Variants in RBMS3 observed in about 807,000 individuals in gnomAD.
The protein encoded by RBMS3 is RNA binding motif single stranded interacting protein 3.
RBMS3 carries 27 observed loss-of-function variants against 66.8 expected under a neutral mutation model. The observed-to-expected ratio is 0.40, with a 90% CI of 0.30 to 0.56. RBMS3 has a LOEUF of 0.56. Among genes scored for constraint, RBMS3 ranks in the 20% least tolerant of loss-of-function variants. RBMS3 has a pLI of 0.40. For synonymous variants in RBMS3, 188 were observed against 183.0 expected, an observed-to-expected ratio of 1.03 and a Z score of -0.22; for missense variants, 513 against 549.5, an observed-to-expected ratio of 0.93 and a Z score of 0.66.
intron 1 of RBMS3, among the ~76,000 whole-genome samples, chr3:29,344,527 T>C (rs1316513785): frequency 6.6e-6 from 1 of 152,202 alleles, no homozygotes; most frequent in African/African-American, 2.4e-5. Flanking sequence ...TGGCTACTAT[T>C]TTTAGCTTCA....
chr3:29,985,764 G>A (rs909732114), intron 12 of RBMS3, among the ~76,000 whole-genome samples: 1 of 152,068 alleles, frequency 6.6e-6, no homozygotes, highest in Non-Finnish European at 1.5e-5. Context: ...GATCTTGCTG[G>A]GAGATGCAGA....
intron 4 of RBMS3, among the ~76,000 whole-genome samples, chr3:29,612,190 T>C (rs141018380): frequency 4.3e-4 from 66 of 152,170 alleles, no homozygotes; most frequent in African/African-American, 1.6e-3. Context: ...TAATATTCAT[T>C]TAAATCAAGA....
chr3:29,614,894 A>G (rs973248859), intron 4 of RBMS3: 2 of 152,212 alleles, frequency 1.3e-5, no homozygotes, highest in Non-Finnish European at 2.9e-5. Flanking sequence ...TGTTTACTCT[A>G]TAAGGGAGTA....
At chr3:29,642,783 G>C (rs573711853) in intron 4 of RBMS3, 1 of 152,162 alleles carries the variant, frequency 6.6e-6, no homozygotes, top group African/African-American at 2.4e-5. Flanking sequence ...AAGAGCCGCC[G>C]TGTTCCAGCT....
intron 1 of RBMS3, among the ~76,000 whole-genome samples, chr3:29,316,599 C>G (rs868758554): frequency 6.6e-6 from 1 of 151,524 alleles, no homozygotes; most frequent in Non-Finnish European, 1.5e-5. Flanking sequence ...GATACCTAAA[C>G]AAATGAGTTT....
intron 12 of RBMS3, among the ~76,000 whole-genome samples, chr3:29,982,006 C>T (rs986082815): frequency 3.9e-5 from 6 of 152,262 alleles, no homozygotes; most frequent in African/African-American, 1.4e-4. Context: ...ATGGTACCAG[C>T]TCCTCTTTGT....
At chr3:29,771,762 G>A (rs749864921) in intron 6 of RBMS3, among the ~76,000 whole-genome samples, 5 of 151,946 alleles carry the variant, frequency 3.3e-5, no homozygotes, top group Non-Finnish European at 7.4e-5. Flanking sequence ...ACATCAGGGC[G>A]GAATGTAAAG....
At chr3:29,860,467 G>T (rs2059184912) in intron 6 of RBMS3, among the ~76,000 whole-genome samples, 1 of 152,154 alleles carries the variant, frequency 6.6e-6, no homozygotes, top group South Asian at 2.1e-4. Flanking sequence ...GCAAACCATT[G>T]TTTTAAAACT....
intron 6 of RBMS3, among the ~76,000 whole-genome samples, chr3:29,801,891 C>G (rs1196147903): frequency 3.3e-5 from 5 of 152,026 alleles, no homozygotes; most frequent in African/African-American, 1.2e-4. Flanking sequence ...GCCATTCATA[C>G]CTATATTTTG....
chr3:29,334,033 A>G (rs2035812233), intron 1 of RBMS3, among the ~76,000 whole-genome samples: 1 of 152,116 alleles, frequency 6.6e-6, no homozygotes, highest in South Asian at 2.1e-4. Flanking sequence ...TCTATGTTTT[A>G]TTTTCCACAT....
chr3:29,439,322 G>T (rs1220671453), intron 2 of RBMS3, among the ~76,000 whole-genome samples: 1 of 152,198 alleles, frequency 6.6e-6, no homozygotes, highest in African/African-American at 2.4e-5. Flanking sequence ...CAGCTGCAGA[G>T]TACGGAGAAG....
intron 4 of RBMS3, among the ~76,000 whole-genome samples, chr3:29,718,263 C>T (rs992280065): frequency 1.3e-5 from 2 of 152,064 alleles, no homozygotes; most frequent in African/African-American, 4.8e-5. Context: ...TTTCTCCATA[C>T]ATTCAAGTCT....
Position 29,540,089 on chromosome 3 carries a change from T to C in RBMS3, c.308-47025T>C, listed in dbSNP as rs201308566. On this transcript the variant is annotated intron_variant, in intron 3 of 14. Coordinates refer to ENST00000383767, the MANE Select transcript of RBMS3 (RefSeq NM_001003793.3). ...AAACAACCCCTAAAGCATTTTAAAT[T>C]AACTATTTAATGTCTAAGTTTTATG... Among the ~76,000 whole-genome samples the C allele has an allele frequency of 1.7e-4, 26 of 152,322 alleles. No homozygotes were observed. In the East Asian group the frequency reaches 5.0e-3, roughly 29 times the overall value.
At chr3:29,435,107 T>C (rs1466556048) in intron 2 of RBMS3, 192 bp downstream of exon 2, 5 of 617,962 alleles carry the variant, frequency 8.1e-6, no homozygotes, top group Admixed American at 3.3e-5. Context: ...CTTTTTGTTG[T>C]TGAGTGGAAG....
chr3:29,764,953 G>A (rs2055860475), intron 6 of RBMS3, among the ~76,000 whole-genome samples: 1 of 151,988 alleles, frequency 6.6e-6, no homozygotes, highest in African/African-American at 2.4e-5. Flanking sequence ...AAACTCTTAG[G>A]AGAGACAACT....
intron 10 of RBMS3, among the ~76,000 whole-genome samples, chr3:29,919,371 T>C (rs1258939940): frequency 2.0e-5 from 3 of 152,154 alleles, no homozygotes; most frequent in Non-Finnish European, 2.9e-5. Context: ...AAAGAATTTC[T>C]CATAAAAGAA....
chr3:29,509,707 C>G (rs977804850), intron 3 of RBMS3, among the ~76,000 whole-genome samples: 44 of 152,192 alleles, frequency 2.9e-4, no homozygotes, highest in Non-Finnish European at 2.9e-5. Context: ...TCCCTTAATA[C>G]AAGTCTGTTC....
chr3:29,902,143 G>T (rs2060270482), intron 10 of RBMS3, among the ~76,000 whole-genome samples: 1 of 151,610 alleles, frequency 6.6e-6, no homozygotes, highest in South Asian at 2.1e-4. Flanking sequence ...TTAGCAAGGG[G>T]GTATTGAGCT....
chr3:29,536,055 G>A (rs1166874884), intron 3 of RBMS3, among the ~76,000 whole-genome samples: 4 of 151,990 alleles, frequency 2.6e-5, no homozygotes, highest in Non-Finnish European at 4.4e-5. Context: ...TACAAATGAC[G>A]TCTGAATCTC....
Sources: gnomAD v4.1 joint callset for allele counts (sites outside exome capture counted in the v4.1 genomes callset) on GRCh38, gnomAD v4.1.1 for gene constraint, MANE v1.5 for transcripts, NCBI Gene and HGNC (gene_info 2026-07-23, HGNC 2026-07-21) for gene names.